The following CDH13 variants were observed in gnomAD, a reference collection of about 807,000 sequenced individuals.
CDH13 encodes cadherin-13.
CDH13 carries 24 observed loss-of-function variants against 63.8 expected under a neutral mutation model. The ratio of observed to expected loss-of-function variants is 0.38; its 90% CI spans 0.27 to 0.53. The LOEUF is 0.53. Among genes scored for constraint, CDH13 ranks in the 20% least tolerant of loss-of-function variants. The pLI, the probability that CDH13 is intolerant of heterozygous loss-of-function variation, is 0.85. For synonymous variants in CDH13, 503 were observed against 355.3 expected, an observed-to-expected ratio of 1.42 and a Z score of -4.67; for missense variants, 1,049 against 903.1, an observed-to-expected ratio of 1.16 and a Z score of -2.07.
At chr16:83,069,664 C>G (rs1340574229) in intron 3 of CDH13, among the ~76,000 whole-genome samples, 2 of 152,150 alleles carry the variant, frequency 1.3e-5, no homozygotes, top group African/African-American at 4.8e-5. Context: ...TTCCTCCAGC[C>G]TCATCCTCTT....
intron 5 of CDH13, among the ~76,000 whole-genome samples, chr16:83,275,214 A>G (rs1390885685): frequency 5.3e-5 from 8 of 152,216 alleles, no homozygotes; most frequent in Non-Finnish European, 2.9e-5. Flanking sequence ...GCAGCTGGGA[A>G]AGGAGAGATG....
intron 9 of CDH13, among the ~76,000 whole-genome samples, chr16:83,675,403 G>A (rs561613853): frequency 6.6e-6 from 1 of 152,088 alleles, no homozygotes. Context: ...TCCCTCCCTC[G>A]CTGCTCCCCT....
At chr16:83,567,364 A>G (rs1326766826) in intron 7 of CDH13, among the ~76,000 whole-genome samples, 1 of 152,172 alleles carries the variant, frequency 6.6e-6, no homozygotes, top group Non-Finnish European at 1.5e-5. Flanking sequence ...GAGATGAATG[A>G]GTGCCCCCTT....
At chr16:83,647,263 T>C (rs1010672586) in intron 8 of CDH13, among the ~76,000 whole-genome samples, 3 of 145,366 alleles carry the variant, frequency 2.1e-5, no homozygotes, top group African/African-American at 7.8e-5. Flanking sequence ...TGAACCGAGA[T>C]CATGCCACTA....
At chr16:83,634,124 T>TGTGG (rs1309050857) in intron 8 of CDH13, among the ~76,000 whole-genome samples, 40 of 77,480 alleles carry the variant, frequency 5.2e-4, no homozygotes, top group African/African-American at 1.4e-3. Context: ...TTTCTGTGTG[T>TGTGG]GTGTGTGTGT....
chr16:82,709,739 A>G (rs561906214), intron 1 of CDH13, among the ~76,000 whole-genome samples: 30 of 152,300 alleles, frequency 2.0e-4, no homozygotes, highest in African/African-American at 7.2e-4. Flanking sequence ...GGTAAAGAGG[A>G]TGCAGGAGCT....
intron 2 of CDH13, among the ~76,000 whole-genome samples, chr16:82,927,929 A>G (rs552313938): frequency 6.6e-6 from 1 of 152,288 alleles, no homozygotes; most frequent in African/African-American, 2.4e-5. Context: ...ATTGTATTAG[A>G]TATTGGGGCT....
chr16:83,329,074 G>A (rs1248287534), intron 5 of CDH13, among the ~76,000 whole-genome samples: 1 of 152,180 alleles, frequency 6.6e-6, no homozygotes, highest in Non-Finnish European at 1.5e-5. Flanking sequence ...CTTCCCCGAA[G>A]CACAAATCTC....
chr16:83,157,153 A>G (rs1205778005), intron 4 of CDH13, among the ~76,000 whole-genome samples: 1 of 152,182 alleles, frequency 6.6e-6, no homozygotes, highest in Non-Finnish European at 1.5e-5. Flanking sequence ...TTGACTTTTT[A>G]GATTAATTTT....
chr16:83,506,374 C>T (rs1000387116), intron 7 of CDH13, among the ~76,000 whole-genome samples: 2 of 152,124 alleles, frequency 1.3e-5, no homozygotes, highest in East Asian at 1.9e-4. Context: ...CACTCAAATC[C>T]CAACAGATGA....
intron 3 of CDH13, among the ~76,000 whole-genome samples, chr16:83,033,337 G>T (rs1031207574): frequency 2.0e-5 from 3 of 151,940 alleles, no homozygotes; most frequent in African/African-American, 7.3e-5. Flanking sequence ...ATGTCTATAT[G>T]TATACATTTG....
chr16:82,930,827 C>G (rs1329832627), intron 2 of CDH13, among the ~76,000 whole-genome samples: 1 of 152,116 alleles, frequency 6.6e-6, no homozygotes, highest in Non-Finnish European at 1.5e-5. Flanking sequence ...TGTCCATTTC[C>G]TTTTTAGGAA....
At chr16:83,333,638 G>C (rs896159371) in intron 5 of CDH13, among the ~76,000 whole-genome samples, 3 of 152,090 alleles carry the variant, frequency 2.0e-5, no homozygotes, top group Non-Finnish European at 2.9e-5. Flanking sequence ...GTGTACACAT[G>C]CTCATTTATC....
At chr16:83,148,087 G>A (rs759369268) in intron 4 of CDH13, among the ~76,000 whole-genome samples, 12 of 152,214 alleles carry the variant, frequency 7.9e-5, no homozygotes, top group East Asian at 3.9e-4. Flanking sequence ...ACAGGCGTGC[G>A]CCACCACGCC....
chr16:83,011,873 G>A (rs1914196296), intron 2 of CDH13, among the ~76,000 whole-genome samples: 1 of 152,206 alleles, frequency 6.6e-6, no homozygotes. Flanking sequence ...TTAGAGGGGA[G>A]TTGGGGTTGA....
chr16:82,794,406 T>C (rs2036478815), intron 1 of CDH13, among the ~76,000 whole-genome samples: 1 of 130,856 alleles, frequency 7.6e-6, no homozygotes, highest in African/African-American at 2.5e-5. Flanking sequence ...AATTTTTTTT[T>C]CTTTTCTTTT....
At chr16:83,201,690 G>T (rs2039035224) in intron 4 of CDH13, among the ~76,000 whole-genome samples, 1 of 151,318 alleles carries the variant, frequency 6.6e-6, no homozygotes, top group Non-Finnish European at 1.5e-5. Context: ...GAGGTCAGGA[G>T]ATCGAGACCA....
At chr16:83,289,118 C>G (rs1225881091) in intron 5 of CDH13, among the ~76,000 whole-genome samples, 1 of 152,158 alleles carries the variant, frequency 6.6e-6, no homozygotes, top group Non-Finnish European at 1.5e-5. Flanking sequence ...TGCTCCTGGC[C>G]TACAAGAACC....
chr16:82,984,847 C>T (rs1217984299), intron 2 of CDH13, among the ~76,000 whole-genome samples: 2 of 152,178 alleles, frequency 1.3e-5, no homozygotes, highest in African/African-American at 2.4e-5. Context: ...TTGGAACACA[C>T]TATGTGCTCC....
Sources: gnomAD v4.1 joint callset for allele counts (sites outside exome capture counted in the v4.1 genomes callset) on GRCh38, gnomAD v4.1.1 for gene constraint, MANE v1.5 for transcripts, NCBI Gene and HGNC (gene_info 2026-07-23, HGNC 2026-07-21) for gene names.